The following KCNH7 variants were observed in gnomAD, a reference collection of about 807,000 sequenced individuals.
KCNH7 encodes the protein potassium voltage-gated channel subfamily H member 7.
A neutral mutation model predicts 120.8 loss-of-function variants in KCNH7; 49 were observed. The observed-to-expected ratio is 0.41, with a 90% CI of 0.32 to 0.51. KCNH7 has a LOEUF of 0.51. Ranked by LOEUF, KCNH7 falls within the 20% of genes least tolerant of loss-of-function variation. The pLI, the probability that KCNH7 is intolerant of heterozygous loss-of-function variation, is 0.38. For synonymous variants in KCNH7, 547 were observed against 516.1 expected, an observed-to-expected ratio of 1.06 and a Z score of -0.81; for missense variants, 1,097 against 1,446.6, an observed-to-expected ratio of 0.76 and a Z score of 3.92.
chr2:162,608,564 G>C (rs1682858629), intron 2 of KCNH7, among the ~76,000 whole-genome samples: 1 of 152,108 alleles, frequency 6.6e-6, no homozygotes, highest in Non-Finnish European at 1.5e-5. Context: ...TATGTTTGGA[G>C]GTGGCAAATT....
At chr2:162,462,817 T>A (rs1044309779) in intron 6 of KCNH7, among the ~76,000 whole-genome samples, 5 of 152,050 alleles carry the variant, frequency 3.3e-5, no homozygotes, top group Non-Finnish European at 7.4e-5. Flanking sequence ...TAGCCTGATT[T>A]GGTCATTCCA....
At chr2:162,551,988 C>G (rs929368487) in intron 2 of KCNH7, among the ~76,000 whole-genome samples, 16 of 152,078 alleles carry the variant, frequency 1.1e-4, no homozygotes, top group Middle Eastern at 3.2e-3. Context: ...CTATTGGAGA[C>G]TTTTGCATTT....
At chr2:162,642,791 A>C (rs1684212150) in intron 2 of KCNH7, among the ~76,000 whole-genome samples, 1 of 152,180 alleles carries the variant, frequency 6.6e-6, no homozygotes, top group Non-Finnish European at 1.5e-5. Context: ...TGTTCTTGCT[A>C]TTCCTGTAGA....
intron 2 of KCNH7, among the ~76,000 whole-genome samples, chr2:162,752,928 GAAAAGAAAAGA>G (rs1688624098): frequency 1.3e-5 from 1 of 75,536 alleles, no homozygotes; most frequent in East Asian, 5.3e-4. Flanking sequence ...GAAAAGAAAA[GAAAAGAAAAGA>G]AAAGAAAAGA....
At chr2:162,487,874 G>C (rs1690154467) in intron 6 of KCNH7, among the ~76,000 whole-genome samples, 1 of 152,140 alleles carries the variant, frequency 6.6e-6, no homozygotes, top group African/African-American at 2.4e-5. Flanking sequence ...CAAGGCCTTA[G>C]GCTGCTTGGA....
chr2:162,376,048 A>C (rs1686162949), intron 14 of KCNH7, among the ~76,000 whole-genome samples: 1 of 152,170 alleles, frequency 6.6e-6, no homozygotes, highest in African/African-American at 2.4e-5. Context: ...TTCTGTCAGC[A>C]TAATTATAAA....
intron 2 of KCNH7, among the ~76,000 whole-genome samples, chr2:162,703,852 C>T (rs574816642): frequency 6.6e-5 from 10 of 152,252 alleles, no homozygotes; most frequent in Non-Finnish European, 1.0e-4. Flanking sequence ...ACTTCTGAGA[C>T]ACAATATATG....
chr2:162,624,313 T>C (rs1683467699), intron 2 of KCNH7, among the ~76,000 whole-genome samples: 2 of 152,120 alleles, frequency 1.3e-5, no homozygotes, highest in African/African-American at 4.8e-5. Flanking sequence ...GGAAAAACAG[T>C]ATAGATGGTG....
chr2:162,731,290 A>T (rs1687721556), intron 2 of KCNH7, among the ~76,000 whole-genome samples: 1 of 149,384 alleles, frequency 6.7e-6, no homozygotes, highest in Admixed American at 6.7e-5. Context: ...AGTAAAATTT[A>T]TAGCACAGCA....
intron 2 of KCNH7, among the ~76,000 whole-genome samples, chr2:162,604,628 C>T (rs1220855127): frequency 6.6e-6 from 1 of 152,078 alleles, no homozygotes; most frequent in Non-Finnish European, 1.5e-5. Flanking sequence ...TATTTCCTAT[C>T]TTGATGCAAG....
chr2:162,610,454 T>C (rs1460154683), intron 2 of KCNH7, among the ~76,000 whole-genome samples: 1 of 152,240 alleles, frequency 6.6e-6, no homozygotes, highest in Admixed American at 6.5e-5. Context: ...CTAGGGCTAT[T>C]CTGCCATTGA....
chr2:162,578,580 G>A (rs567542043), intron 2 of KCNH7, among the ~76,000 whole-genome samples: 3 of 152,018 alleles, frequency 2.0e-5, no homozygotes, highest in Admixed American at 6.6e-5. Context: ...GGAAGCCAGG[G>A]CTGAAGCTTA....
intron 2 of KCNH7, among the ~76,000 whole-genome samples, chr2:162,824,929 G>T (rs1241332531): frequency 6.6e-6 from 1 of 151,660 alleles, no homozygotes; most frequent in African/African-American, 2.4e-5. Context: ...CTGAAGAAAA[G>T]CTCTTTCATT....
At chr2:162,382,475 G>A (rs1329121961) in intron 13 of KCNH7, among the ~76,000 whole-genome samples, 2 of 152,000 alleles carry the variant, frequency 1.3e-5, no homozygotes, top group Non-Finnish European at 2.9e-5. Flanking sequence ...ATAGTTGCAA[G>A]ACACATTTCT....
At chr2:162,713,460 CT>C (rs1686998873) in intron 2 of KCNH7, among the ~76,000 whole-genome samples, 1 of 151,992 alleles carries the variant, frequency 6.6e-6, no homozygotes, top group Non-Finnish European at 1.5e-5. Context: ...AAAAATGAGG[CT>C]TATGTTTACA....
intron 3 of KCNH7, among the ~76,000 whole-genome samples, chr2:162,521,300 T>C (rs1691511850): frequency 1.3e-5 from 2 of 151,850 alleles, no homozygotes; most frequent in African/African-American, 4.8e-5. Flanking sequence ...TGTGCTCAAT[T>C]TTGACTGTAG....
chr2:162,551,976 C>T (rs7577793), intron 2 of KCNH7, among the ~76,000 whole-genome samples: 11,993 of 152,090 alleles, frequency 0.079, 1,612 homozygotes, highest in African/African-American at 0.27. Context: ...GGTCTGACTC[C>T]TCTATTGGAG....
At chr2:162,798,938 C>T (rs910642126) in intron 2 of KCNH7, among the ~76,000 whole-genome samples, 2 of 151,926 alleles carry the variant, frequency 1.3e-5, no homozygotes, top group Non-Finnish European at 2.9e-5. Context: ...AAAGACCAGA[C>T]ATCCAGTGTC....
At chr2:162,751,985 ATTTG>A (rs982309609) in intron 2 of KCNH7, among the ~76,000 whole-genome samples, 21 of 152,032 alleles carry the variant, frequency 1.4e-4, no homozygotes, top group African/African-American at 4.3e-4. Flanking sequence ...AGAAAAAATA[ATTTG>A]TTTGTTTTCT....
Sources: gnomAD v4.1 joint callset for allele counts (sites outside exome capture counted in the v4.1 genomes callset) on GRCh38, gnomAD v4.1.1 for gene constraint, MANE v1.5 for transcripts, NCBI Gene and HGNC (gene_info 2026-07-23, HGNC 2026-07-21) for gene names.